The following CD34 variants were observed in gnomAD, a reference collection of about 807,000 sequenced individuals.
The protein encoded by CD34 is hematopoietic progenitor cell antigen CD34.
In CD34, 34 loss-of-function variants were observed where a neutral mutation model predicts 40.1. The observed-to-expected ratio is 0.85, with a 90% confidence interval of 0.65 to 1.13. CD34 has a LOEUF of 1.13. Among genes scored for constraint, CD34 ranks in the 50% most tolerant of loss-of-function variants. The pLI, the probability that CD34 is intolerant of heterozygous loss-of-function variation, is 0.00. For synonymous variants in CD34, 209 were observed against 190.0 expected (o/e 1.10, Z -0.82); for missense variants, 426 against 466.9 (o/e 0.91, Z 0.81).
chr1:207,898,886 G>A (rs1662205368), intron 3 of CD34, 87 bp downstream of exon 3: 1 of 1,376,876 alleles, frequency 7.3e-7, no homozygotes, highest in African/African-American at 1.4e-5. Flanking sequence ...TGGCAGGGAT[G>A]AGGAGAGGGG....
chr1:207,900,133 A>G (rs1313788866), intron 1 of CD34, 130 bp from the exon 2 acceptor site: 1 of 683,624 alleles, frequency 1.5e-6, no homozygotes, highest in Non-Finnish European at 2.4e-6. Flanking sequence ...GGCAGCAACA[A>G]GAACATACTC....
chr1:207,888,110 T>A, intron 7 of CD34, 187 bp from the exon 8 acceptor site: 2 of 1,613,872 alleles, frequency 1.2e-6, no homozygotes, highest in East Asian at 2.2e-5. Context: ...GTGGTCAGGG[T>A]TCCAGCTCCT....
chr1:207,891,810 G>A (rs972710433), intron 4 of CD34, among the ~76,000 whole-genome samples: 18 of 151,204 alleles, frequency 1.2e-4, no homozygotes, highest in Middle Eastern at 3.4e-3. Flanking sequence ...AAATGGAGGC[G>A]TGAAGAGACT....
chr1:207,890,145 T>G, intron 4 of CD34: 1 of 1,054,824 alleles, frequency 9.5e-7, no homozygotes, highest in East Asian at 7.9e-5. Context: ...CAAACTGAAA[T>G]GGCATTTTTG....
chr1:207,889,434 C>T (rs928085140), intron 5 of CD34, 31 bp downstream of exon 5: 6 of 1,592,368 alleles, frequency 3.8e-6, no homozygotes, highest in Non-Finnish European at 5.1e-6. Context: ...CCTACTCCTT[C>T]CCTGTTCCCC....
chr1:207,907,206 A>T (rs1425156079), intron 1 of CD34, among the ~76,000 whole-genome samples: 1 of 152,146 alleles, frequency 6.6e-6, no homozygotes, highest in Non-Finnish European at 1.5e-5. Context: ...CTGAAATATT[A>T]GACATTACTG....
At position 207,889,460 on chromosome 1, in the gene CD34, C is replaced by T; in HGVS notation, c.754+5G>A. ...CCTGTTCCCCCAGGCAGAGGTGCACCTTACCTGTTCTGTTGGCCAAGACCA... is the reference window on the plus strand; with the variant it reads ...CCTGTTCCCCCAGGCAGAGGTGCACTTTACCTGTTCTGTTGGCCAAGACCA... On this transcript the variant is annotated splice_donor_5th_base_variant and intron_variant, in intron 5 of 7. Transcript: ENST00000310833. The T allele has an allele frequency of 6.2e-7, 1 of 1,608,514 alleles. No individual in the cohort carries two copies. The highest frequency in any genetic ancestry group is 8.5e-7 in the Non-Finnish European group (1 of 1,176,542).
Position 207,885,506 on chromosome 1 carries a change from A to T in CD34, c.*2232T>A, listed in dbSNP as rs1418814547. On this transcript the variant is annotated 3_prime_UTR_variant, in exon 8 of 8. Coordinates refer to ENST00000310833, the MANE Select transcript of CD34 (RefSeq NM_001025109.2). ...AAGTTGCCTTTTCCTCTCCTCCCAT[A>T]TTTCCTAGGAATCTGAACCCTGAAC... 1 of 151,698 alleles carries T rather than the reference A, an allele frequency of 6.6e-6. No individual in the cohort carries two copies. The highest frequency in any genetic ancestry group is 1.5e-5 in the Non-Finnish European group (1 of 67,972). 9.4% of individuals were successfully genotyped at this position (151,698 alleles called of 1,614,324 possible). A position where few individuals can be genotyped will look rare whatever the true frequency, so the allele number is the denominator to read the frequency against.
chr1:207,909,480 C>T (rs375983637), intron 1 of CD34, among the ~76,000 whole-genome samples: 2 of 152,120 alleles, frequency 1.3e-5, no homozygotes, highest in South Asian at 2.1e-4. Context: ...AGGATCTTGG[C>T]TCGCTGCAAC....
chr1:207,897,402 A>G (rs1163702115), intron 4 of CD34, 91 bp downstream of exon 4: 1 of 935,170 alleles, frequency 1.1e-6, no homozygotes, highest in African/African-American at 1.6e-5. Context: ...ACTCAAATCC[A>G]GTGCAATCCA....
chr1:207,887,731 A>T lies in CD34; in HGVS notation c.*7T>A, dbSNP rs1263108756. 6.2e-7 allele frequency: 1 copy of T among 1,614,112 alleles called. No individual in the cohort carries two copies. The highest frequency in any genetic ancestry group is 1.1e-5 in the South Asian group (1 of 91,078). ...GACACTGCCCAGCCTTGCCCCACCT[A>T]GCCGAGTCACAATTCGGTATCAGCC... is the stretch of plus-strand genomic sequence containing the variant. On this transcript the variant is annotated 3_prime_UTR_variant, in exon 8 of 8. Coordinates refer to ENST00000310833, the MANE Select transcript of CD34 (RefSeq NM_001025109.2).
intron 3 of CD34, among the ~76,000 whole-genome samples, chr1:207,898,031 T>TTTTTTTTATTTA (rs149255063): frequency 4.2e-5 from 6 of 143,378 alleles, no homozygotes; most frequent in African/African-American, 1.1e-4. Context: ...ATTTTGGCTC[T>TTTTTTTTATTTA]TTTATTTATT....
rs562156086 is a variant in CD34, at chr1:207,904,610, C to T, written c.80-4607G>A. ...GAGCTAAGAAGTAGAAGCAGTTATC[C>T]TGTCTGGTAAAAGTTCAAGAAATAG... On this transcript the variant is annotated intron_variant, in intron 1 of 7. Coordinates refer to ENST00000310833, the MANE Select transcript of CD34 (RefSeq NM_001025109.2). 3.8e-3 allele frequency among the ~76,000 whole-genome samples: 582 copies of T among 152,098 alleles called. 2 individuals carry two copies. The highest frequency in any genetic ancestry group is 5.8e-3 in the Non-Finnish European group (393 of 68,002).
At chr1:207,895,648 A>G (rs1662136670) in intron 4 of CD34, among the ~76,000 whole-genome samples, 1 of 152,212 alleles carries the variant, frequency 6.6e-6, no homozygotes, top group South Asian at 2.1e-4. Context: ...TTTCTCATAC[A>G]GTGACCCAAG....
In CD34 at chr1:207,889,116, C is replaced by T. The variant is rs775778107; in HGVS notation, c.807+45G>A. 5.0e-6 allele frequency: 6 copies of T among 1,211,966 alleles called. No homozygotes were observed. In the Admixed American group the frequency reaches 1.0e-4, roughly 20 times the overall value. 75.1% of individuals were successfully genotyped at this position (1,211,966 alleles called of 1,614,324 possible). On this transcript the variant is annotated intron_variant, in intron 6 of 7. Transcript: ENST00000310833. The stretch of plus-strand genomic sequence containing the variant: ...TCCCCCCTTACTCCAGGGAGCCCCC[C>T]TGCCCCGGCATTCCCTCTCAGGCCC...
At chr1:207,906,779 G>A (rs957961257) in intron 1 of CD34, among the ~76,000 whole-genome samples, 4 of 151,890 alleles carry the variant, frequency 2.6e-5, no homozygotes, top group Admixed American at 6.6e-5. Flanking sequence ...GGGAGGCAGA[G>A]GTTGCGGTGA....
intron 1 of CD34, among the ~76,000 whole-genome samples, chr1:207,902,946 G>A (rs2785646): frequency 0.24 from 36,736 of 152,086 alleles, 5,389 homozygotes; most frequent in Non-Finnish European, 0.34. Flanking sequence ...ACCTGCAAAT[G>A]AGAAAGGGAC....
chr1:207,899,177 T>A lies in CD34; in HGVS notation c.312A>T (p.Gly104=), dbSNP rs763474226. The A allele has an allele frequency of 1.2e-6, 2 of 1,613,974 alleles. No homozygotes were observed. The highest frequency in any genetic ancestry group is 2.7e-5 in the African/African-American group (2 of 74,944). ...TSTSVITSVY[G]NTNSSVQSQT... is the part of the protein sequence containing the mutation. ...GTGACTGGACAGAAGAGTTTGTGTTTCCATAAACTGAGGTTATCACAGAGG... is the reference window on the plus strand; with the variant it reads ...GTGACTGGACAGAAGAGTTTGTGTTACCATAAACTGAGGTTATCACAGAGG... Residue 104 remains glycine, a synonymous_variant, in exon 3 of 8, where the codon GGA becomes GGT. Transcript: ENST00000310833.
rs375065490 is a variant in CD34, at chr1:207,889,182, C to A, written c.786G>T (p.Lys262Asn). Residue 262 changes from lysine to asparagine, a missense_variant, in exon 6 of 8, where the codon AAG becomes AAT. Coordinates refer to ENST00000310833, the MANE Select transcript of CD34 (RefSeq NM_001025109.2). ...TTACCTTTTTCAGGTCAGATTGGTG[C>A]TTTTTCATAAGTTGGAGTTTGCTGG... ...EISSKLQLMK[K>N]HQSDLKKLGI... 2 of 1,606,632 alleles carry A rather than the reference C, an allele frequency of 1.2e-6. No individual in the cohort carries two copies. Among genetic ancestry groups the A allele is most frequent in the South Asian group, 2.2e-5 (2 of 90,930 alleles).
Sources: gnomAD v4.1 joint callset for allele counts (sites outside exome capture counted in the v4.1 genomes callset) on GRCh38, gnomAD v4.1.1 for gene constraint, MANE v1.5 for transcripts, NCBI Gene and HGNC (gene_info 2026-07-23, HGNC 2026-07-21) for gene names.